The following SPATA31E1 variants were observed in gnomAD, a reference collection of about 807,000 sequenced individuals.
SPATA31E1 encodes spermatogenesis-associated protein 31E1.
In SPATA31E1, 7 loss-of-function variants were observed where a neutral mutation model predicts 12.9. That is an observed-to-expected ratio of 0.54 (90% CI 0.31 to 1.02). The LOEUF is 1.02. SPATA31E1 is among the 50% of genes least tolerant of loss of function. The pLI, the probability that SPATA31E1 is intolerant of heterozygous loss-of-function variation, is 0.05. For missense variants in SPATA31E1, 1,961 were observed against 1,799.8 expected (o/e 1.09, Z -1.62); for synonymous variants, 771 against 719.0 (o/e 1.07, Z -1.16).
chr9:87,887,342 G>C lies in SPATA31E1; in HGVS notation c.2855G>C (p.Gly952Ala), dbSNP rs374274724. ...GGGCGATCAGAGGCCTTTCCGACTG[G>C]ACACAAGGGCAGGGGGTGTTCTCAG... ...THGRSEAFPT[G>A]HKGRGCSQPP... is the part of the protein sequence containing the mutation. Residue 952 changes from glycine (G) to alanine (A), a missense_variant, in exon 4 of 4, where the codon GGA becomes GCA. By Grantham distance (60) the Gly-to-Ala change is moderately conservative. Coordinates refer to ENST00000325643, the MANE Select transcript of SPATA31E1 (RefSeq NM_178828.5). 1.2e-6 allele frequency: 2 copies of C among 1,613,668 alleles called. No homozygotes were observed. The highest frequency in any genetic ancestry group is 1.7e-6 in the Non-Finnish European group (2 of 1,180,028).
Position 87,888,419 on chromosome 9 carries a change from G to A in SPATA31E1, c.3932G>A (p.Cys1311Tyr), listed in dbSNP as rs1207553036. The A allele has an allele frequency of 2.5e-6, 4 of 1,614,192 alleles. No homozygotes were observed. In the African/African-American group the frequency reaches 4.0e-5, roughly 16 times the overall value. The change falls in exon 4 of 4, where the codon TGC becomes TAC. Residue 1311 changes from cysteine (C) to tyrosine (Y), a missense_variant. Coordinates refer to ENST00000325643, the MANE Select transcript of SPATA31E1 (RefSeq NM_178828.5). The part of the protein sequence containing the change: ...GSGPPRQFMD[C>Y]MADKAWTISR... Reference sequence around the variant, plus strand: ...GGCCCACCAAGGCAGTTTATGGACTGCATGGCTGACAAAGCCTGGACCATC... The same window carrying A: ...GGCCCACCAAGGCAGTTTATGGACTACATGGCTGACAAAGCCTGGACCATC...
At position 87,885,336 on chromosome 9, in the gene SPATA31E1, C is replaced by T; in HGVS notation, c.849C>T (p.Asn283=). The change falls in exon 4 of 4, where the codon AAC becomes AAT. Residue 283 remains asparagine (N), a synonymous_variant. Transcript: ENST00000325643. ...CPVPQSSPLH[N]QVLPPPTRVI... ...TCCCCCAGAGCTCCCCTCTACACAA[C>T]CAGGTGCTGCCTCCTCCAACCAGGG... The T allele has an allele frequency of 6.2e-7, 1 of 1,613,860 alleles. No individual in the cohort carries two copies. Among genetic ancestry groups the T allele is most frequent in the Non-Finnish European group, 8.5e-7 (1 of 1,179,860 alleles).
intron 3 of SPATA31E1, 125 bp from the exon 4 acceptor site, chr9:87,884,788 A>G: frequency 6.8e-7 from 1 of 1,473,494 alleles, no homozygotes; most frequent in Non-Finnish European, 9.3e-7. Context: ...GGGCAGGCTT[A>G]GGCAGAGCTT....
Position 87,886,938 on chromosome 9 carries a change from C to G in SPATA31E1, c.2451C>G (p.His817Gln), listed in dbSNP as rs750677340. The G allele has an allele frequency of 6.2e-6, 10 of 1,614,082 alleles. No individual in the cohort carries two copies. The South Asian group carries it at 7.7e-5, about 12-fold the overall frequency. ...KLASWRGGKA[H>Q]VNTSQELSFL... ...CATCCTGGAGGGGTGGGAAAGCCCA[C>G]GTGAACACCTCCCAGGAGCTTTCCT... Residue 817 changes from histidine to glutamine, a missense_variant, in exon 4 of 4, where the codon CAC becomes CAG. By Grantham distance (24) the His-to-Gln change is conservative. Coordinates refer to ENST00000325643, the MANE Select transcript of SPATA31E1 (RefSeq NM_178828.5).
chr9:87,888,856 G>T lies in SPATA31E1; in HGVS notation c.*31G>T. On this transcript the variant is annotated 3_prime_UTR_variant, in exon 4 of 4. Transcript: ENST00000325643. ...ACCAGTCTTCTTGCATGTCTCCTGG[G>T]GGAGACAGGGGGTTCTACTCAAATA... The T allele has an allele frequency of 1.3e-6, 2 of 1,531,906 alleles. No individual in the cohort carries two copies. Among genetic ancestry groups the T allele is most frequent in the Non-Finnish European group, 1.8e-6 (2 of 1,140,106 alleles). The allele number at this position is 1,531,906 out of a possible 1,614,324, so 94.9% of individuals were successfully genotyped here.
In SPATA31E1 at chr9:87,888,498, A is replaced by C. The variant is rs951198232; in HGVS notation, c.4011A>C (p.Arg1337=). The C allele has an allele frequency of 1.2e-5, 19 of 1,614,168 alleles. No individual in the cohort carries two copies. Among genetic ancestry groups the C allele is most frequent in the Non-Finnish European group, 1.5e-5 (18 of 1,180,024 alleles). The change falls in exon 4 of 4, where the codon CGA becomes CGC. Residue 1337 remains arginine (R), a synonymous_variant. Transcript: ENST00000325643. The part of the protein sequence containing the change: ...LVDKLGLQWG[R]GPSEVNRHKG... ...ACAAACTGGGGCTTCAGTGGGGACGAGGTCCCTCAGAGGTCAATCGCCACA... is the reference window on the plus strand; with the variant it reads ...ACAAACTGGGGCTTCAGTGGGGACGCGGTCCCTCAGAGGTCAATCGCCACA...
In SPATA31E1 at chr9:87,883,026, G is replaced by T. The variant is rs757032688; in HGVS notation, c.135G>T (p.Met45Ile). Residue 45 changes from methionine (M) to isoleucine (I), a missense_variant, in exon 1 of 4, where the codon ATG becomes ATT. By Grantham distance (10) the Met-to-Ile change is conservative (BLOSUM62 1). Coordinates refer to ENST00000325643, the MANE Select transcript of SPATA31E1 (RefSeq NM_178828.5). Reference sequence around the variant, plus strand: ...ACATTGCACTTCAGATGGAGAAAATGCTCTTTCCTCTGAAGAGCCCTAGTG... The same window carrying T: ...ACATTGCACTTCAGATGGAGAAAATTCTCTTTCCTCTGAAGAGCCCTAGTG... ...GDDIALQMEKMLFPLKSPSAT... is the reference protein window; with the variant it reads ...GDDIALQMEKILFPLKSPSAT... 2.5e-6 allele frequency: 4 copies of T among 1,613,400 alleles called. No individual in the cohort carries two copies. The highest frequency in any genetic ancestry group is 3.4e-6 in the Non-Finnish European group (4 of 1,179,900).
Position 87,885,937 on chromosome 9 carries a change from G to A in SPATA31E1, c.1450G>A (p.Val484Ile). 1 of 1,613,854 alleles carries A rather than the reference G, an allele frequency of 6.2e-7. No individual in the cohort carries two copies. Among genetic ancestry groups the A allele is most frequent in the East Asian group, 2.2e-5 (1 of 44,856 alleles). Residue 484 changes from valine to isoleucine, a missense_variant, in exon 4 of 4, where the codon GTT (valine) becomes ATT (isoleucine). Coordinates refer to ENST00000325643, the MANE Select transcript of SPATA31E1 (RefSeq NM_178828.5). ...ASTSLPGEPE[V>I]EASSQLSQAP... Reference sequence around the variant, plus strand: ...CACTTCTCTTCCAGGTGAACCTGAGGTTGAGGCATCCTCACAGCTTTCCCA... The same window carrying A: ...CACTTCTCTTCCAGGTGAACCTGAGATTGAGGCATCCTCACAGCTTTCCCA...
rs1167629616 is a variant in SPATA31E1, at chr9:87,885,582, G to A, written c.1095G>A (p.Leu365=). 6.2e-7 allele frequency: 1 copy of A among 1,614,188 alleles called. No homozygotes were observed. Among genetic ancestry groups the A allele is most frequent in the Non-Finnish European group, 8.5e-7 (1 of 1,180,048 alleles). The change falls in exon 4 of 4, where the codon CTG becomes CTA. Residue 365 remains leucine, a synonymous_variant. Coordinates refer to ENST00000325643, the MANE Select transcript of SPATA31E1 (RefSeq NM_178828.5). ...TCCACCCTGACGTGCAGAAGCTGCT[G>A]GAGACCCTCATCGCCAAGAGAGCAC... ...TFIHPDVQKL[L]ETLIAKRALM...
Position 87,884,669 on chromosome 9 carries a change from TCTGTC to T in SPATA31E1, c.425+20_425+24del. 1 of 1,613,950 alleles carries T rather than the reference TCTGTC, an allele frequency of 6.2e-7. No homozygotes were observed. The highest frequency in any genetic ancestry group is 8.5e-7 in the Non-Finnish European group (1 of 1,179,886). On this transcript the variant is annotated intron_variant, in intron 3 of 3. Transcript: ENST00000325643. The stretch of plus-strand genomic sequence containing the variant: ...CTGGAAAGGTGAGGAGCTTCCCCCT[TCTGTC>T]CCTGTCCTCCTTCCTACCAGGGCCT...
rs779840886 is a variant in SPATA31E1 at position 87,884,899 on chromosome 9, C to T, written c.426-14C>T. The T allele has an allele frequency of 5.0e-6, 8 of 1,594,786 alleles. No homozygotes were observed. Among genetic ancestry groups the T allele is most frequent in the Admixed American group, 1.7e-5 (1 of 59,122 alleles). ...CTACCCCTGGCTGCAGCTTGTGCCT[C>T]TTGTCTCCTGCAGCCACCTGAGGAA... On this transcript the variant is annotated splice_polypyrimidine_tract_variant and intron_variant, in intron 3 of 3. Coordinates refer to ENST00000325643, the MANE Select transcript of SPATA31E1 (RefSeq NM_178828.5).
In SPATA31E1 at chr9:87,883,146, C is replaced by A. The variant is rs144644722; in HGVS notation, c.255C>A (p.Tyr85Ter). ...GLVLLFLLLLYVHSDPPSPPP... is the reference protein window; with the variant it reads ...GLVLLFLLLL ...TGCTCCTCTTCCTATTGCTCCTCTA[C>A]GTCCACAGTGACCCACCCTCACCCC... Residue 85 changes from tyrosine (Y) to a stop codon, truncating the protein, a stop_gained, in exon 1 of 4, where the codon TAC becomes TAA. Coordinates refer to ENST00000325643, the MANE Select transcript of SPATA31E1 (RefSeq NM_178828.5). LOFTEE classifies it high-confidence loss of function. The A allele has an allele frequency of 1.6e-4, 248 of 1,595,992 alleles. No homozygotes were observed. The highest frequency in any genetic ancestry group is 2.4e-4 in the Admixed American group (14 of 58,340).
In SPATA31E1 at chr9:87,888,776, A is replaced by G; in HGVS notation, c.4289A>G (p.His1430Arg). 6.2e-7 allele frequency: 1 copy of G among 1,612,802 alleles called. No homozygotes were observed. The highest frequency in any genetic ancestry group is 1.3e-5 in the African/African-American group (1 of 75,042). The change falls in exon 4 of 4, where the codon CAT becomes CGT. Residue 1430 changes from histidine to arginine, a missense_variant. Transcript: ENST00000325643. ...ATGGCAAGCACCTCGGGCGGCCCCC[A>G]TCCACAGCTGCAGGAACTGATGTCT... ...PRMASTSGGP[H>R]PQLQELMSAQ...
At position 87,885,205 on chromosome 9, in the gene SPATA31E1, G is replaced by A. The variant is rs1372288085; in HGVS notation, c.718G>A (p.Val240Met). 8 of 1,614,008 alleles carry A rather than the reference G, an allele frequency of 5.0e-6. No homozygotes were observed. Among genetic ancestry groups the A allele is most frequent in the Non-Finnish European group, 6.8e-6 (8 of 1,179,990 alleles). Residue 240 changes from valine (V) to methionine (M), a missense_variant, in exon 4 of 4, where the codon GTG becomes ATG. Transcript: ENST00000325643. ...PLKCPATQPH[V>M]VFPPSPQPHG... ...AAAATGCCCTGCAACCCAGCCACAT[G>A]TGGTTTTTCCTCCTTCACCACAGCC...
Position 87,885,602 on chromosome 9 carries a change from G to A in SPATA31E1, c.1115G>A (p.Arg372Lys), listed in dbSNP as rs754891073. ...QKLLETLIAKRALMKMWQEKE... is the reference protein window; with the variant it reads ...QKLLETLIAKKALMKMWQEKE... Reference sequence around the variant, plus strand: ...CTGCTGGAGACCCTCATCGCCAAGAGAGCACTGATGAAGATGTGGCAGGAG... The same window carrying A: ...CTGCTGGAGACCCTCATCGCCAAGAAAGCACTGATGAAGATGTGGCAGGAG... The change falls in exon 4 of 4, where the codon AGA becomes AAA. Residue 372 changes from arginine to lysine, a missense_variant. Physicochemically the swap from Arg to Lys is conservative, Grantham distance 26 (BLOSUM62 2). Coordinates refer to ENST00000325643, the MANE Select transcript of SPATA31E1 (RefSeq NM_178828.5). 4.3e-6 allele frequency: 7 copies of A among 1,613,972 alleles called. No homozygotes were observed. The African/African-American group carries it at 9.3e-5, about 22-fold the overall frequency.
In SPATA31E1 at chr9:87,887,087, C is replaced by T. The variant is rs878869892; in HGVS notation, c.2600C>T (p.Ala867Val). The part of the protein sequence containing the change: ...PINVWSGEAQ[A>V]PPFPQSTFTP... ...AATGTCTGGTCAGGTGAGGCTCAGG[C>T]CCCGCCCTTCCCACAATCCACCTTT... Residue 867 changes from alanine to valine, a missense_variant, in exon 4 of 4, where the codon GCC becomes GTC. Physicochemically the swap from Ala to Val is moderately conservative, Grantham distance 64. Transcript: ENST00000325643. 4 of 1,614,058 alleles carry T rather than the reference C, an allele frequency of 2.5e-6. No homozygotes were observed. Among genetic ancestry groups the T allele is most frequent in the Non-Finnish European group, 3.4e-6 (4 of 1,180,004 alleles).
In SPATA31E1 at chr9:87,888,452, T is replaced by G; in HGVS notation, c.3965T>G (p.Val1322Gly). The G allele has an allele frequency of 4.3e-6, 7 of 1,613,006 alleles. No individual in the cohort carries two copies. Among genetic ancestry groups the G allele is most frequent in the Non-Finnish European group, 5.9e-6 (7 of 1,179,704 alleles). ...MADKAWTISR[V>G]VGQILVDKLG... ...GACAAAGCCTGGACCATCAGCAGAG[T>G]TGTGGGACAAATCCTGGTGGACAAA... Residue 1322 changes from valine to glycine, a missense_variant, in exon 4 of 4, where the codon GTT (valine) becomes GGT (glycine). By Grantham distance (109) the Val-to-Gly change is moderately radical. Coordinates refer to ENST00000325643, the MANE Select transcript of SPATA31E1 (RefSeq NM_178828.5).
At position 87,888,727 on chromosome 9, in the gene SPATA31E1, G is replaced by T. The variant is rs748158860; in HGVS notation, c.4240G>T (p.Gly1414Cys). 6.2e-7 allele frequency: 1 copy of T among 1,613,818 alleles called. No homozygotes were observed. The highest frequency in any genetic ancestry group is 1.3e-5 in the African/African-American group (1 of 75,056). ...TCCCAGGGAGCCTGTGTCCCCAGCT[G>T]GTCCCCACCACCACAGGCCAAGAAT... ...PPPREPVSPAGPHHHRPRMAS... is the reference protein window; with the variant it reads ...PPPREPVSPACPHHHRPRMAS... Residue 1414 changes from glycine to cysteine, a missense_variant, in exon 4 of 4, where the codon GGT becomes TGT. Physicochemically the swap from Gly to Cys is radical, Grantham distance 159. Coordinates refer to ENST00000325643, the MANE Select transcript of SPATA31E1 (RefSeq NM_178828.5).
In SPATA31E1 at chr9:87,885,965, C is replaced by G; in HGVS notation, c.1478C>G (p.Ala493Gly). The change falls in exon 4 of 4, where the codon GCA becomes GGA. Residue 493 changes from alanine to glycine, a missense_variant. By Grantham distance (60) the Ala-to-Gly change is moderately conservative. Coordinates refer to ENST00000325643, the MANE Select transcript of SPATA31E1 (RefSeq NM_178828.5). ...GAGGCATCCTCACAGCTTTCCCAGG[C>G]ACCGCCCCAGCCCCACCACATGGCC... ...EVEASSQLSQAPPQPHHMAQP... is the reference protein window; with the variant it reads ...EVEASSQLSQGPPQPHHMAQP... 6.2e-7 allele frequency: 1 copy of G among 1,613,560 alleles called. No homozygotes were observed. Among genetic ancestry groups the G allele is most frequent in the Non-Finnish European group, 8.5e-7 (1 of 1,180,022 alleles).
Sources: gnomAD v4.1 joint callset for allele counts on GRCh38, gnomAD v4.1.1 for gene constraint, MANE v1.5 for transcripts, NCBI Gene and HGNC (gene_info 2026-07-23, HGNC 2026-07-21) for gene names.